Variants in ARHGAP24 observed in about 807,000 individuals in gnomAD.
The protein encoded by ARHGAP24 is Rho GTPase activating protein 24, also known as rho GTPase-activating protein 24.
ARHGAP24 carries 50 observed loss-of-function variants against 76.4 expected under a neutral mutation model. The ratio of observed to expected loss-of-function variants is 0.65; its 90% CI spans 0.52 to 0.83. The LOEUF is 0.83. Ranked by LOEUF, ARHGAP24 falls within the 40% of genes least tolerant of loss-of-function variation. The pLI is 0.00. For missense variants in ARHGAP24, 930 were observed against 914.2 expected, an observed-to-expected ratio of 1.02 and a Z score of -0.22; for synonymous variants, 345 against 323.3, an observed-to-expected ratio of 1.07 and a Z score of -0.72.
intron 8 of ARHGAP24, among the ~76,000 whole-genome samples, chr4:85,983,013 A>G (rs1461522916): frequency 6.6e-6 from 1 of 152,108 alleles, no homozygotes; most frequent in Non-Finnish European, 1.5e-5. Flanking sequence ...GAATGAGAAC[A>G]TGGGGTGGTT....
intron 1 of ARHGAP24, among the ~76,000 whole-genome samples, chr4:85,533,492 T>C (rs1725349548): frequency 6.6e-6 from 1 of 152,208 alleles, no homozygotes; most frequent in Non-Finnish European, 1.5e-5. Flanking sequence ...ATGAAAATAT[T>C]GTCTAATATG....
At chr4:85,704,170 T>G (rs961948792) in intron 2 of ARHGAP24, among the ~76,000 whole-genome samples, 2 of 152,218 alleles carry the variant, frequency 1.3e-5, no homozygotes, top group African/African-American at 2.4e-5. Flanking sequence ...AGTTTTTTTT[T>G]GTCCAGTTAG....
intron 1 of ARHGAP24, among the ~76,000 whole-genome samples, chr4:85,520,789 A>G (rs1252431084): frequency 1.3e-5 from 2 of 152,262 alleles, no homozygotes; most frequent in African/African-American, 4.8e-5. Context: ...TTGGACTTTG[A>G]TGGATGAATA....
chr4:86,001,008 G>T lies in ARHGAP24; in HGVS notation c.*286G>T. ...TATTTCAAGAATTATTTTATTGCAA[G>T]TCTTGTATTTAAATGTTAAATCAAT... On this transcript the variant is annotated 3_prime_UTR_variant, in exon 10 of 10. Coordinates refer to ENST00000395184, the MANE Select transcript of ARHGAP24 (RefSeq NM_001025616.3). 2.0e-6 allele frequency: 1 copy of T among 506,174 alleles called. No individual in the cohort carries two copies. The highest frequency in any genetic ancestry group is 3.4e-6 in the Non-Finnish European group (1 of 290,118). 31.4% of individuals were successfully genotyped at this position (506,174 alleles called of 1,614,324 possible). A position where few individuals can be genotyped will look rare whatever the true frequency, so the allele number is the denominator to read the frequency against.
chr4:85,858,499 A>G (rs1317392355), intron 3 of ARHGAP24, among the ~76,000 whole-genome samples: 1 of 152,218 alleles, frequency 6.6e-6, no homozygotes, highest in Admixed American at 6.6e-5. Context: ...CATTTGCCTG[A>G]AAATGAGTAA....
intron 1 of ARHGAP24, among the ~76,000 whole-genome samples, chr4:85,496,800 T>A (rs1162269901): frequency 6.6e-6 from 1 of 152,254 alleles, no homozygotes; most frequent in Non-Finnish European, 1.5e-5. Flanking sequence ...TGGTGACAGG[T>A]CAAAAACCTT....
chr4:85,537,971 T>TGTATACCAA (rs1725535325), intron 1 of ARHGAP24, among the ~76,000 whole-genome samples: 2 of 152,028 alleles, frequency 1.3e-5, no homozygotes, highest in South Asian at 4.1e-4. Flanking sequence ...GGCTGAAGTA[T>TGTATACCAA]GACTTGATAA....
intron 5 of ARHGAP24, among the ~76,000 whole-genome samples, chr4:85,948,913 T>A (rs1737437541): frequency 6.6e-6 from 1 of 151,976 alleles, no homozygotes. Flanking sequence ...GCTGATGGAG[T>A]TTCTCAAAAT....
chr4:85,788,041 A>AGT (rs1366570222), intron 3 of ARHGAP24, among the ~76,000 whole-genome samples: 3 of 152,166 alleles, frequency 2.0e-5, no homozygotes, highest in African/African-American at 7.2e-5. Context: ...GAAGAGAAGG[A>AGT]GTGGTGAGAG....
chr4:85,507,105 A>T (rs1338338611), intron 1 of ARHGAP24, among the ~76,000 whole-genome samples: 1 of 152,172 alleles, frequency 6.6e-6, no homozygotes, highest in Non-Finnish European at 1.5e-5. Flanking sequence ...GAATGGTTGG[A>T]TTTGCATGAA....
chr4:85,943,859 T>C (rs914634684), intron 5 of ARHGAP24, among the ~76,000 whole-genome samples: 5 of 151,816 alleles, frequency 3.3e-5, no homozygotes, highest in African/African-American at 9.7e-5. Context: ...TAGTATATCA[T>C]TGATGGGCAT....
chr4:85,907,138 A>G (rs1211662960), intron 3 of ARHGAP24, among the ~76,000 whole-genome samples: 2 of 152,164 alleles, frequency 1.3e-5, no homozygotes, highest in African/African-American at 2.4e-5. Context: ...CTGAGCTCCC[A>G]TATCAGAGTT....
At chr4:85,992,048 T>G in intron 8 of ARHGAP24, 1 of 396,674 alleles carries the variant, frequency 2.5e-6, no homozygotes, top group Non-Finnish European at 4.5e-6. Context: ...CAGGGAAGAA[T>G]TGCTGGATCG....
intron 3 of ARHGAP24, among the ~76,000 whole-genome samples, chr4:85,895,322 T>C (rs187381583): frequency 1.6e-4 from 24 of 152,314 alleles, no homozygotes; most frequent in Admixed American, 1.3e-3. Flanking sequence ...AGTTTTACAC[T>C]GAAGAGTTTA....
chr4:85,642,997 C>T (rs553908973), intron 2 of ARHGAP24, among the ~76,000 whole-genome samples: 1 of 152,222 alleles, frequency 6.6e-6, no homozygotes, highest in South Asian at 2.1e-4. Context: ...TATCAAAACC[C>T]CAGTCATAAT....
chr4:85,578,836 T>TA (rs1335914150), intron 2 of ARHGAP24, among the ~76,000 whole-genome samples: 2 of 152,184 alleles, frequency 1.3e-5, no homozygotes, highest in Non-Finnish European at 2.9e-5. Context: ...AATATATACT[T>TA]TATTAATTGT....
chr4:85,994,521 T>C, intron 8 of ARHGAP24, 62 bp from the exon 9 acceptor site: 1 of 1,487,368 alleles, frequency 6.7e-7, no homozygotes, highest in Non-Finnish European at 9.4e-7. Flanking sequence ...AAGAGTCACA[T>C]TGAAATAGAA....
At chr4:85,677,639 C>G (rs1723031050) in intron 2 of ARHGAP24, among the ~76,000 whole-genome samples, 1 of 152,158 alleles carries the variant, frequency 6.6e-6, no homozygotes, top group Non-Finnish European at 1.5e-5. Flanking sequence ...GGAATAAAGT[C>G]CAGGTTTGCT....
At chr4:85,861,836 C>T (rs1731920219) in intron 3 of ARHGAP24, among the ~76,000 whole-genome samples, 1 of 152,066 alleles carries the variant, frequency 6.6e-6, no homozygotes, top group Admixed American at 6.6e-5. Flanking sequence ...GAACACTATA[C>T]ATGTGCAGTC....
Sources: allele counts gnomAD v4.1 joint callset (sites outside exome capture counted in the v4.1 genomes callset), GRCh38; gene constraint gnomAD v4.1.1; transcripts MANE v1.5; gene names NCBI Gene and HGNC (gene_info 2026-07-23, HGNC 2026-07-21).